The following COL16A1 variants were observed in gnomAD, a reference collection of about 807,000 sequenced individuals.
COL16A1 encodes the protein collagen alpha-1(XVI) chain.
In COL16A1, 189 loss-of-function variants were observed where a neutral mutation model predicts 266.3. That is an observed-to-expected ratio of 0.71 (90% confidence interval 0.63 to 0.80). COL16A1 has a LOEUF of 0.80. Ranked by LOEUF, COL16A1 falls within the 30% of genes least tolerant of loss-of-function variation. The pLI is 0.00. For synonymous variants in COL16A1, 740 were observed against 782.3 expected, an observed-to-expected ratio of 0.95 and a Z score of 0.90; for missense variants, 1,928 against 2,122.4, an observed-to-expected ratio of 0.91 and a Z score of 1.80.
chr1:31,698,587 G>C lies in COL16A1; in HGVS notation c.286C>G (p.Leu96Val), dbSNP rs766768492. ...AGCACCAGGGCAAACTCCTCCGGGA[G>C]ACCCCGAGGGAATACTCTTCTGGAG... ...QPTRRVFPRG[L>V]PEEFALVLTL... is the part of the protein sequence containing the mutation. Residue 96 changes from leucine to valine, a missense_variant, in exon 5 of 71, where the codon CTC becomes GTC. Leu to Val is a conservative substitution (Grantham distance 32). This residue lies in a region of COL16A1 where 1,552 missense variants were observed against 1,637.2 expected (regional missense o/e 0.95). Transcript: ENST00000373672. The surrounding 1 kb of genome is among the most constrained non-coding windows in gnomAD (Gnocchi z 4.1). The C allele has an allele frequency of 6.2e-7, 1 of 1,614,076 alleles. No individual in the cohort carries two copies. The highest frequency in any genetic ancestry group is 8.5e-7 in the Non-Finnish European group (1 of 1,180,032).
At chr1:31,669,326 C>T (rs1445597053) in intron 49 of COL16A1, among the ~76,000 whole-genome samples, 4 of 151,940 alleles carry the variant, frequency 2.6e-5, no homozygotes, top group Non-Finnish European at 4.4e-5. Context: ...GTCCCCCACC[C>T]CAAGCAAAAA....
At chr1:31,692,139 G>T in intron 16 of COL16A1, 72 bp from the exon 17 acceptor site, 1 of 1,605,204 alleles carries the variant, frequency 6.2e-7, no homozygotes, top group South Asian at 1.1e-5. Flanking sequence ...CCATCTGGTG[G>T]AGGGACAACT....
rs949135778 is a variant in COL16A1, at chr1:31,656,905, G to T, written c.4056+128C>A. On this transcript the variant is annotated intron_variant, in intron 65 of 70. Transcript: ENST00000373672. The surrounding 1 kb of genome is among the most constrained non-coding windows in gnomAD (Gnocchi z 4.2). ...CTAATTCCTCTCCCCAGGACAACAGGGTTAACAATTTCCAGAGACAGCCCG... is the reference window on the plus strand; with the variant it reads ...CTAATTCCTCTCCCCAGGACAACAGTGTTAACAATTTCCAGAGACAGCCCG... 6.4e-5 allele frequency: 85 copies of T among 1,335,182 alleles called. No individual in the cohort carries two copies. The highest frequency in any genetic ancestry group is 8.7e-5 in the Non-Finnish European group (81 of 935,384). The allele number at this position is 1,335,182 out of a possible 1,614,324, so 82.7% of individuals were successfully genotyped here.
intron 68 of COL16A1, 50 bp from the exon 69 acceptor site, chr1:31,654,093 C>G (rs1213129637): frequency 1.3e-6 from 2 of 1,566,684 alleles, no homozygotes; most frequent in Non-Finnish European, 1.7e-6. Flanking sequence ...CCCCCAGGGA[C>G]TCAGAATGAC....
chr1:31,667,213 A>G (rs1445067702), intron 52 of COL16A1, among the ~76,000 whole-genome samples: 1 of 152,220 alleles, frequency 6.6e-6, no homozygotes, highest in Non-Finnish European at 1.5e-5. Context: ...TGGGGGCCCC[A>G]GTGTCCTCAT....
Position 31,694,160 on chromosome 1 carries a change from G to T in COL16A1, c.992C>A (p.Ala331Asp). ...HGARDSNVTL[A>D]PSGPKGGKGE... ...AGGACTCACCTTGGGGCCAGAGGGA[G>T]CAAGTGTGACCTGAGGGGACAGAGG... The change falls in exon 12 of 71, where the codon GCT becomes GAT. Residue 331 changes from alanine (A) to aspartate (D), a missense_variant. Around this residue, in one of 2 missense-constraint regions of COL16A1, gnomAD observed 1,552 missense variants for 1,637.2 expected, o/e 0.95. Transcript: ENST00000373672. 6.3e-7 allele frequency: 1 copy of T among 1,599,064 alleles called. No homozygotes were observed. Among genetic ancestry groups the T allele is most frequent in the Non-Finnish European group, 8.5e-7 (1 of 1,170,104 alleles).
rs372559179 is a variant in COL16A1, at chr1:31,662,379, G to A, written c.3636C>T (p.Ala1212=). ...CCTTCCCATCCAAACCATCCAGACC[G>A]GCGGGGCCCTGGAAACAGGAAAGAG... ...PPGPPGIQGP[A]GLDGLDGKDG... The change falls in exon 58 of 71, where the codon GCC becomes GCT. Residue 1212 remains alanine, a synonymous_variant. Coordinates refer to ENST00000373672, the MANE Select transcript of COL16A1 (RefSeq NM_001856.4). The A allele has an allele frequency of 1.8e-5, 26 of 1,460,620 alleles. No individual in the cohort carries two copies. The Admixed American group carries it at 2.4e-4, about 13-fold the overall frequency. 90.5% of individuals were successfully genotyped at this position (1,460,620 alleles called of 1,614,324 possible).
At chr1:31,680,960 C>T in intron 38 of COL16A1, 29 bp from the exon 39 acceptor site, 1 of 1,614,058 alleles carries the variant, frequency 6.2e-7, no homozygotes, top group Non-Finnish European at 8.5e-7. Context: ...GGAAGGTGAG[C>T]AGATAGGGGT....
At chr1:31,684,707 T>A in intron 30 of COL16A1, 77 bp from the exon 31 acceptor site, 1 of 1,608,582 alleles carries the variant, frequency 6.2e-7, no homozygotes, top group Non-Finnish European at 8.5e-7. Flanking sequence ...TCGCAGGCAC[T>A]CACACTCCTT....
At chr1:31,700,191 T>A (rs1644674605) in intron 2 of COL16A1, 76 bp from the exon 3 acceptor site, 1 of 1,381,320 alleles carries the variant, frequency 7.2e-7, no homozygotes, top group Admixed American at 1.7e-5. Context: ...CTGGGGAACC[T>A]GGGAGGGAGC....
At chr1:31,695,874 G>A (rs957831751) in intron 9 of COL16A1, 87 bp from the exon 10 acceptor site, 1 of 1,278,312 alleles carries the variant, frequency 7.8e-7, no homozygotes, top group Non-Finnish European at 1.1e-6. Context: ...CAAACCAACA[G>A]GAGTGGGCAC....
rs555740586 is a variant in COL16A1, at chr1:31,673,105, G to A, written c.2860-265C>T. On this transcript the variant is annotated intron_variant, in intron 44 of 70. Transcript: ENST00000373672. Reference sequence around the variant, plus strand: ...AAGCCACTTTCCAGACAGGCATGTGGGTGGAGGCGAGGGGCCCGCAGAGGG... The same window carrying A: ...AAGCCACTTTCCAGACAGGCATGTGAGTGGAGGCGAGGGGCCCGCAGAGGG... The A allele has an allele frequency of 1.1e-5, 6 of 535,726 alleles. No homozygotes were observed. In the South Asian group the frequency reaches 1.2e-4, roughly 10 times the overall value. The allele number at this position is 535,726 out of a possible 1,614,324, so 33.2% of individuals were successfully genotyped here.
At chr1:31,671,799 T>G in intron 47 of COL16A1, 140 bp from the exon 48 acceptor site, 2 of 952,180 alleles carry the variant, frequency 2.1e-6, no homozygotes, top group South Asian at 3.1e-5. Flanking sequence ...ACTTAGCTGA[T>G]GTTCGAACAA....
In COL16A1 at chr1:31,697,530, A is replaced by G. The variant is rs962306616; in HGVS notation, c.658-230T>C. Among the ~76,000 whole-genome samples, 6 of 152,176 alleles carry G rather than the reference A, an allele frequency of 3.9e-5. No homozygotes were observed. In the East Asian group the frequency reaches 1.2e-3, roughly 29 times the overall value. ...AACAAAAGAGGAGGAGGTTCCATTCATGCTGGGCTTTGAAGGGCTGGTAGC... is the reference window on the plus strand; with the variant it reads ...AACAAAAGAGGAGGAGGTTCCATTCGTGCTGGGCTTTGAAGGGCTGGTAGC... On this transcript the variant is annotated intron_variant, in intron 6 of 70. Transcript: ENST00000373672. The surrounding 1 kb of genome is among the most constrained non-coding windows in gnomAD (Gnocchi z 4.2).
rs71006318 is a variant in COL16A1 at position 31,662,674 on chromosome 1, G to GCCCCCCCCCCCCCCCCC, written c.3556-17_3556-16insGGGGGGGGGGGGGGGGG. 4 of 1,264,544 alleles carry GCCCCCCCCCCCCCCCCC rather than the reference G, an allele frequency of 3.2e-6. No homozygotes were observed. Among genetic ancestry groups the GCCCCCCCCCCCCCCCCC allele is most frequent in the African/African-American group, 2.0e-5 (1 of 50,076 alleles). The allele number at this position is 1,264,544 out of a possible 1,614,324, so 78.3% of individuals were successfully genotyped here. A position where few individuals can be genotyped will look rare whatever the true frequency, so the allele number is the denominator to read the frequency against. On this transcript the variant is annotated splice_polypyrimidine_tract_variant and intron_variant, in intron 56 of 70. Coordinates refer to ENST00000373672, the MANE Select transcript of COL16A1 (RefSeq NM_001856.4). ...CTTCGCTGCCCTGGAAACCAGCGCC[G>GCCCCCCCCCCCCCCCCC]CCCCCCCCCCCCGCCCCACAATAAA... is the stretch of plus-strand genomic sequence containing the variant.
At position 31,675,292 on chromosome 1, in the gene COL16A1, C is replaced by T. The variant is rs1386932144; in HGVS notation, c.2792G>A (p.Gly931Asp). The change falls in exon 43 of 71, where the codon GGT becomes GAT. Residue 931 changes from glycine (G) to aspartate (D), a missense_variant. By Grantham distance (94) the Gly-to-Asp change is moderately conservative (BLOSUM62 -1). Transcript: ENST00000373672. ...AGTGAGCCCAGGCTGTCCTGGCAAACCGTTGTTTCCAGGCACTCCCTGTAG... is the reference window on the plus strand; with the variant it reads ...AGTGAGCCCAGGCTGTCCTGGCAAATCGTTGTTTCCAGGCACTCCCTGTAG... ...PGLQGVPGNN[G>D]LPGQPGLTAE... The T allele has an allele frequency of 6.2e-7, 1 of 1,614,036 alleles. No homozygotes were observed. The highest frequency in any genetic ancestry group is 8.5e-7 in the Non-Finnish European group (1 of 1,180,034).
At chr1:31,690,717 C>T in intron 20 of COL16A1, 144 bp from the exon 21 acceptor site, 1 of 1,351,356 alleles carries the variant, frequency 7.4e-7, no homozygotes, top group South Asian at 1.4e-5. Context: ...TCGGTCGGTT[C>T]CTGTTGCCTG....
chr1:31,691,747 C>G, intron 17 of COL16A1, 105 bp from the exon 18 acceptor site: 1 of 1,413,690 alleles, frequency 7.1e-7, no homozygotes, highest in Non-Finnish European at 9.6e-7. Context: ...GCCCCTCCCC[C>G]AAACCAGAGC....
rs544351163 is a variant in COL16A1 at position 31,698,987 on chromosome 1, C to T, written c.267-381G>A. Among the ~76,000 whole-genome samples the T allele has an allele frequency of 2.6e-5, 4 of 152,138 alleles. No individual in the cohort carries two copies. In the East Asian group the frequency reaches 5.8e-4, roughly 22 times the overall value. On this transcript the variant is annotated intron_variant, in intron 4 of 70. Transcript: ENST00000373672. This position sits in a 1 kb window ranked among gnomAD's most constrained non-coding sequence, Gnocchi z 4.1. Reference sequence around the variant, plus strand: ...GCAGGCGCCTGTAATCCCAGCTACCCGGGAGGCTGAGGCAGGAGAATTGCT... The same window carrying T: ...GCAGGCGCCTGTAATCCCAGCTACCTGGGAGGCTGAGGCAGGAGAATTGCT...
Sources: allele counts gnomAD v4.1 joint callset (sites outside exome capture counted in the v4.1 genomes callset), GRCh38; gene constraint gnomAD v4.1.1; regional missense constraint gnomAD v4.1.1; non-coding constraint Gnocchi (gnomAD v3.1); transcripts MANE v1.5; gene names NCBI Gene and HGNC (gene_info 2026-07-23, HGNC 2026-07-21).